Variants in WNT7A observed in about 807,000 individuals in gnomAD.
The protein encoded by WNT7A is Wnt family member 7A.
WNT7A carries 16 observed loss-of-function variants against 28.2 expected under a neutral mutation model. The ratio of observed to expected loss-of-function variants is 0.57; its 90% CI spans 0.38 to 0.86. The LOEUF (loss-of-function observed/expected upper bound fraction) is 0.86. Ranked by LOEUF, WNT7A falls within the 40% of genes least tolerant of loss-of-function variation. The pLI is 0.00. For synonymous variants in WNT7A, 190 were observed against 195.9 expected, an observed-to-expected ratio of 0.97 and a Z score of 0.25; for missense variants, 411 against 489.7, an observed-to-expected ratio of 0.84 and a Z score of 1.52.
At chr3:13,871,991 C>A (rs1243676207) in intron 2 of WNT7A, among the ~76,000 whole-genome samples, 1 of 152,106 alleles carries the variant, frequency 6.6e-6, no homozygotes, top group African/African-American at 2.4e-5. Flanking sequence ...CCTTAAGCCA[C>A]CCCCAAGCAC....
rs567502818 is a variant in WNT7A, at chr3:13,836,426, C to T, written c.571-17003G>A. Among the ~76,000 whole-genome samples the T allele has an allele frequency of 5.9e-5, 9 of 152,328 alleles. No homozygotes were observed. The South Asian group carries it at 1.9e-3, about 32-fold the overall frequency. On this transcript the variant is annotated intron_variant, in intron 3 of 3. Transcript: ENST00000285018. ...CCCAGCCTTTCAGAATCTGCTGATG[C>T]CTGGACCCCACCCCCAGAGGTTAGG...
chr3:13,862,391 GTAT>G (rs1215041731), intron 2 of WNT7A, among the ~76,000 whole-genome samples: 1 of 152,202 alleles, frequency 6.6e-6, no homozygotes. Flanking sequence ...TTATCTGGGT[GTAT>G]TTACGGTATC....
chr3:13,868,676 G>A lies in WNT7A; in HGVS notation c.298+6271C>T, dbSNP rs564609945. Among the ~76,000 whole-genome samples the A allele has an allele frequency of 8.6e-3, 100 of 11,692 alleles. 1 individual carries two copies. The highest frequency in any genetic ancestry group is 0.024 in the African/African-American group (93 of 3,836). The allele number at this position is 11,692 out of a possible 152,430, so 7.7% of individuals were successfully genotyped here. On this transcript the variant is annotated intron_variant, in intron 2 of 3. Transcript: ENST00000285018. ...AAAAGGAGGGAGGGAGTGGGAGAGA[G>A]GGGGAGAGAGAGAGAGAAAGAAAGA...
At chr3:13,851,685 G>A (rs1426059448) in intron 3 of WNT7A, among the ~76,000 whole-genome samples, 2 of 152,092 alleles carry the variant, frequency 1.3e-5, no homozygotes, top group African/African-American at 2.4e-5. Context: ...ATTTCCTTGC[G>A]GCCAAAAGGC....
At chr3:13,878,596 C>G (rs1695150767) in intron 1 of WNT7A, among the ~76,000 whole-genome samples, 1 of 152,160 alleles carries the variant, frequency 6.6e-6, no homozygotes, top group Non-Finnish European at 1.5e-5. Flanking sequence ...TTGCGAAATC[C>G]CCGCTCCAGA....
intron 3 of WNT7A, among the ~76,000 whole-genome samples, chr3:13,830,421 T>C (rs1694262945): frequency 2.0e-5 from 3 of 152,142 alleles, no homozygotes; most frequent in Admixed American, 2.0e-4. Flanking sequence ...CATCTGTTCA[T>C]GTTTCTTGTC....
chr3:13,865,301 G>A (rs560720995), intron 2 of WNT7A, among the ~76,000 whole-genome samples: 1 of 152,280 alleles, frequency 6.6e-6, no homozygotes, highest in South Asian at 2.1e-4. Flanking sequence ...TTGTCCAAGG[G>A]AATGTCCTTT....
chr3:13,832,392 A>G (rs1437567768), intron 3 of WNT7A, among the ~76,000 whole-genome samples: 2 of 140,078 alleles, frequency 1.4e-5, no homozygotes, highest in African/African-American at 2.7e-5. Context: ...CTCCTCCTCT[A>G]CAGGCTCCTC....
chr3:13,847,335 C>T (rs994764123), intron 3 of WNT7A, among the ~76,000 whole-genome samples: 10 of 152,212 alleles, frequency 6.6e-5, no homozygotes, highest in African/African-American at 2.4e-4. Context: ...AGCTCAGCTC[C>T]CCGACCCTGG....
chr3:13,861,334 C>T (rs1364020193), intron 2 of WNT7A, among the ~76,000 whole-genome samples: 1 of 152,356 alleles, frequency 6.6e-6, no homozygotes, highest in South Asian at 2.1e-4. Flanking sequence ...CAAATCCTGC[C>T]TTCCCCTCCA....
At chr3:13,853,387 C>T (rs992894253) in intron 3 of WNT7A, among the ~76,000 whole-genome samples, 11 of 152,214 alleles carry the variant, frequency 7.2e-5, no homozygotes, top group African/African-American at 2.7e-4. Flanking sequence ...GGGGGCAGAA[C>T]ACAAGGCTGC....
chr3:13,820,118 C>T (rs1227686623), intron 3 of WNT7A, among the ~76,000 whole-genome samples: 5 of 152,174 alleles, frequency 3.3e-5, no homozygotes, highest in Non-Finnish European at 7.3e-5. Context: ...AGCTTCTCTC[C>T]CTTCCTCCAC....
intron 2 of WNT7A, among the ~76,000 whole-genome samples, chr3:13,856,924 A>G (rs867169638): frequency 1.2e-4 from 13 of 108,300 alleles, no homozygotes; most frequent in Middle Eastern, 4.1e-3. Context: ...GAAGAAGAAG[A>G]AGAAGAAGAA....
At chr3:13,849,842 G>A (rs1694599476) in intron 3 of WNT7A, among the ~76,000 whole-genome samples, 1 of 152,218 alleles carries the variant, frequency 6.6e-6, no homozygotes, top group Admixed American at 6.5e-5. Flanking sequence ...CTGTGCAATG[G>A]CCCTGAGGTG....
chr3:13,877,289 T>A (rs1477244279), intron 1 of WNT7A: 1 of 152,266 alleles, frequency 6.6e-6, no homozygotes, highest in Non-Finnish European at 1.5e-5. Context: ...TCACAGAGGT[T>A]GGGACCTGGA....
chr3:13,821,939 T>G (rs1283364034), intron 3 of WNT7A, among the ~76,000 whole-genome samples: 1 of 152,194 alleles, frequency 6.6e-6, no homozygotes, highest in Non-Finnish European at 1.5e-5. Flanking sequence ...AAGCAATATC[T>G]CAATTTATAA....
chr3:13,876,199 C>T (rs1260233171), intron 1 of WNT7A, among the ~76,000 whole-genome samples: 1 of 152,164 alleles, frequency 6.6e-6, no homozygotes, highest in Non-Finnish European at 1.5e-5. Context: ...GAAGGGTATT[C>T]TATGCAGAGG....
At chr3:13,850,528 C>T (rs751779689) in intron 3 of WNT7A, among the ~76,000 whole-genome samples, 16 of 152,276 alleles carry the variant, frequency 1.1e-4, no homozygotes, top group South Asian at 1.0e-3. Context: ...CTTTTCACTT[C>T]GGCGGAATTC....
At chr3:13,859,136 T>C (rs1694790725) in intron 2 of WNT7A, among the ~76,000 whole-genome samples, 1 of 152,168 alleles carries the variant, frequency 6.6e-6, no homozygotes, top group African/African-American at 2.4e-5. Flanking sequence ...TATCACCGAG[T>C]CCCATTTCAC....
Sources: allele counts gnomAD v4.1 joint callset (sites outside exome capture counted in the v4.1 genomes callset), GRCh38; gene constraint gnomAD v4.1.1; transcripts MANE v1.5; gene names NCBI Gene and HGNC (gene_info 2026-07-23, HGNC 2026-07-21).